The following LRP1B variants were observed in gnomAD, a reference collection of about 807,000 sequenced individuals.
LRP1B encodes low-density lipoprotein receptor-related protein 1B.
LRP1B carries 217 observed loss-of-function variants against 556.6 expected under a neutral mutation model. The observed-to-expected ratio is 0.39, with a 90% CI of 0.35 to 0.44. The LOEUF (loss-of-function observed/expected upper bound fraction) is 0.44. LRP1B is among the 20% of genes least tolerant of loss of function. LRP1B has a pLI of 1.00. For missense variants in LRP1B, 5,053 were observed against 5,620.8 expected, an observed-to-expected ratio of 0.90 and a Z score of 3.23; for synonymous variants, 2,047 against 1,865.8, an observed-to-expected ratio of 1.10 and a Z score of -2.50.
At chr2:140,655,600 G>C (rs1467707285) in intron 41 of LRP1B, among the ~76,000 whole-genome samples, 1 of 152,138 alleles carries the variant, frequency 6.6e-6, no homozygotes, top group Non-Finnish European at 1.5e-5. Context: ...TATTGCATCA[G>C]AGCACAGAGA....
At chr2:140,532,274 C>A (rs1171172688) in intron 47 of LRP1B, among the ~76,000 whole-genome samples, 1 of 152,098 alleles carries the variant, frequency 6.6e-6, no homozygotes, top group South Asian at 2.1e-4. Flanking sequence ...CTGCTTTAAA[C>A]CTTTAGTGAC....
chr2:140,667,297 T>C (rs186784916), intron 41 of LRP1B, among the ~76,000 whole-genome samples: 91 of 152,332 alleles, frequency 6.0e-4, no homozygotes, highest in Admixed American at 5.3e-3. Context: ...TTAGCTATGA[T>C]AACCTTTGCC....
At chr2:141,449,499 AT>A (rs1681329160) in intron 3 of LRP1B, among the ~76,000 whole-genome samples, 1 of 152,096 alleles carries the variant, frequency 6.6e-6, no homozygotes, top group Non-Finnish European at 1.5e-5. Flanking sequence ...TTCCATTGGC[AT>A]TTAGTTTCTC....
At chr2:140,812,237 C>G (rs771252609) in intron 32 of LRP1B, among the ~76,000 whole-genome samples, 62 of 152,024 alleles carry the variant, frequency 4.1e-4, no homozygotes, top group Non-Finnish European at 8.8e-4. Flanking sequence ...TAGAACTCTA[C>G]TTTTCAAAAA....
At chr2:140,669,651 T>G (rs772863267) in intron 41 of LRP1B, among the ~76,000 whole-genome samples, 1 of 151,952 alleles carries the variant, frequency 6.6e-6, no homozygotes, top group African/African-American at 2.4e-5. Flanking sequence ...TTACTGACAG[T>G]TTTTTTTATA....
intron 2 of LRP1B, among the ~76,000 whole-genome samples, chr2:141,773,542 A>G (rs1295990067): frequency 6.6e-6 from 1 of 152,238 alleles, no homozygotes; most frequent in Non-Finnish European, 1.5e-5. Context: ...ACCTAAGGAC[A>G]TCTGTGGAAT....
intron 77 of LRP1B, 148 bp from the exon 78 acceptor site, chr2:140,335,986 A>G: frequency 3.2e-6 from 2 of 625,976 alleles, no homozygotes; most frequent in Non-Finnish European, 5.8e-6. Context: ...ATTTAATGCT[A>G]TTTTCAATCT....
At chr2:140,254,328 G>A (rs574305060) in intron 86 of LRP1B, among the ~76,000 whole-genome samples, 1 of 152,228 alleles carries the variant, frequency 6.6e-6, no homozygotes, top group South Asian at 2.1e-4. Flanking sequence ...GTCTTAATTA[G>A]TGCAAAATGT....
At chr2:141,746,341 C>T (rs920084757) in intron 2 of LRP1B, among the ~76,000 whole-genome samples, 1 of 152,156 alleles carries the variant, frequency 6.6e-6, no homozygotes, top group Non-Finnish European at 1.5e-5. Context: ...TGGGCGATTC[C>T]TCTCTGGCTA....
chr2:140,645,296 T>A (rs540547002), intron 41 of LRP1B, among the ~76,000 whole-genome samples: 3 of 152,180 alleles, frequency 2.0e-5, no homozygotes, highest in African/African-American at 7.2e-5. Flanking sequence ...TTATTATATA[T>A]GAATATGTAA....
At chr2:141,482,599 G>T (rs1413150411) in intron 2 of LRP1B, among the ~76,000 whole-genome samples, 1 of 151,548 alleles carries the variant, frequency 6.6e-6, no homozygotes, top group Non-Finnish European at 1.5e-5. Context: ...TTTTCACTGA[G>T]TGCCTCTAAC....
At chr2:140,378,712 C>G (rs113405474) in intron 67 of LRP1B, among the ~76,000 whole-genome samples, 1,684 of 152,204 alleles carry the variant, frequency 0.011, 38 homozygotes, top group African/African-American at 0.039. Flanking sequence ...GGCAGTGAGT[C>G]TAGCCTTTGT....
In LRP1B at chr2:140,994,116, T is replaced by C. The variant is rs1426152234; in HGVS notation, c.2523A>G (p.Leu841=). The stretch of plus-strand genomic sequence containing the variant: ...ACTCTCCAGCTTTACATATGTGAGG[T>C]AGTGCTTCTCCAGGATTAACTAGAG... ...TTCTFNPGEA[L]PHICKAGEFR... is the part of the protein sequence containing the mutation. Residue 841 remains leucine, a synonymous_variant, in exon 16 of 91, where the codon CTA becomes CTG. Coordinates refer to ENST00000389484, the MANE Select transcript of LRP1B (RefSeq NM_018557.3). 5.6e-6 allele frequency: 9 copies of C among 1,612,368 alleles called. No individual in the cohort carries two copies. In the African/African-American group the frequency reaches 8.0e-5, roughly 14 times the overall value.
chr2:142,073,611 A>G (rs1325952011), intron 1 of LRP1B, among the ~76,000 whole-genome samples: 1 of 151,994 alleles, frequency 6.6e-6, no homozygotes, highest in African/African-American at 2.4e-5. Context: ...TATGTAAATC[A>G]TTCTGGAGCA....
At chr2:142,039,001 C>T (rs1485335399) in intron 1 of LRP1B, among the ~76,000 whole-genome samples, 4 of 151,394 alleles carry the variant, frequency 2.6e-5, no homozygotes, top group Non-Finnish European at 5.9e-5. Context: ...GTTTTCCTTG[C>T]TCAAGTTTTA....
chr2:141,597,083 CAT>C (rs1491011520), intron 2 of LRP1B, among the ~76,000 whole-genome samples: 2 of 139,894 alleles, frequency 1.4e-5, no homozygotes, highest in Non-Finnish European at 3.0e-5. Context: ...CACACACACA[CAT>C]CTGCATTCAT....
chr2:140,528,181 T>G (rs1690522387), intron 47 of LRP1B, among the ~76,000 whole-genome samples: 5 of 151,896 alleles, frequency 3.3e-5, no homozygotes. Flanking sequence ...AACTGGAAAT[T>G]CAGCGATTTC....
At chr2:141,678,479 T>A (rs990173261) in intron 2 of LRP1B, among the ~76,000 whole-genome samples, 8 of 152,182 alleles carry the variant, frequency 5.3e-5, no homozygotes, top group Non-Finnish European at 2.9e-5. Context: ...TCAATTAAGA[T>A]GGGCTCGAAA....
At chr2:140,835,928 C>A (rs972811857) in intron 31 of LRP1B, among the ~76,000 whole-genome samples, 3 of 152,152 alleles carry the variant, frequency 2.0e-5, no homozygotes, top group African/African-American at 7.2e-5. Flanking sequence ...TCCTGTTAAT[C>A]TGCCTATTGT....
Sources: gnomAD v4.1 joint callset for allele counts (sites outside exome capture counted in the v4.1 genomes callset) on GRCh38, gnomAD v4.1.1 for gene constraint, MANE v1.5 for transcripts, NCBI Gene and HGNC (gene_info 2026-07-23, HGNC 2026-07-21) for gene names.